PKD1L1: variants seen among roughly 807,000 people sequenced by gnomAD.
PKD1L1 encodes the protein polycystin-1-like protein 1.
Under a neutral mutation model 323.4 loss-of-function variants are expected in PKD1L1, and 236 were observed. The ratio of observed to expected loss-of-function variants is 0.73; its 90% confidence interval spans 0.66 to 0.81. The LOEUF (loss-of-function observed/expected upper bound fraction) is 0.81. Among genes scored for constraint, PKD1L1 ranks in the 40% least tolerant of loss-of-function variants. The probability of loss-of-function intolerance (pLI) is 0.00; values close to 1 mark genes in which losing one functional copy is unlikely to be tolerated. For synonymous variants in PKD1L1, 1,344 were observed against 1,335.0 expected, an observed-to-expected ratio of 1.01 and a Z score of -0.15; for missense variants, 3,320 against 3,508.0, an observed-to-expected ratio of 0.95 and a Z score of 1.35.
rs779550316 is a variant in PKD1L1 at position 47,846,970 on chromosome 7, A to G, written c.5062T>C (p.Trp1688Arg). 3.1e-6 allele frequency: 5 copies of G among 1,614,072 alleles called. No individual in the cohort carries two copies. The South Asian group carries it at 5.5e-5, about 18-fold the overall frequency. Reference sequence around the variant, plus strand: ...TTGTCCCAAAACAGGCATCGGATCCACTGGAAATGTACTGTATAGTTCACT... The same window carrying G: ...TTGTCCCAAAACAGGCATCGGATCCGCTGGAAATGTACTGTATAGTTCACT... ...KAVNYTVHFQ[W>R]IRCLFWDKRE... Residue 1688 changes from tryptophan to arginine, a missense_variant, in exon 32 of 57, where the codon TGG becomes CGG. By Grantham distance (101) the Trp-to-Arg change is moderately radical. Coordinates refer to ENST00000289672, the MANE Select transcript of PKD1L1 (RefSeq NM_138295.5).
intron 19 of PKD1L1, among the ~76,000 whole-genome samples, chr7:47,883,925 C>CT (rs1428066604): frequency 2.0e-5 from 3 of 152,246 alleles, no homozygotes; most frequent in Non-Finnish European, 4.4e-5. Context: ...GATCAAACAT[C>CT]TGTTCATTCG....
chr7:47,829,446 G>A lies in PKD1L1; in HGVS notation c.6714C>T (p.Asp2238=). 1 of 1,613,160 alleles carries A rather than the reference G, an allele frequency of 6.2e-7. No individual in the cohort carries two copies. The highest frequency in any genetic ancestry group is 2.2e-5 in the East Asian group (1 of 44,864). The change falls in exon 44 of 57, where the codon GAC becomes GAT. Residue 2238 remains aspartate (D), a synonymous_variant. Transcript: ENST00000289672. ...TTACTTTTTCAACCTCGCCTGCACA[G>A]TCAGGAATACTGCAGCTTGAAGAGA... ...LPFSSSCSIP[D]CAGEVEKVLA... is the part of the protein sequence containing the mutation.
In PKD1L1 at chr7:47,831,310, C is replaced by T; in HGVS notation, c.6380G>A (p.Arg2127Lys). 1 of 1,614,130 alleles carries T rather than the reference C, an allele frequency of 6.2e-7. No individual in the cohort carries two copies. The highest frequency in any genetic ancestry group is 8.5e-7 in the Non-Finnish European group (1 of 1,179,984). ...AGAGCTCCACCAAGGCTGAAGGGCC[C>T]TTGACCACTGGGGCATTAGTCCCTC... Reference protein sequence around the residue: ...GLEGLMPQWSRALQPWWSSAV... With the variant: ...GLEGLMPQWSKALQPWWSSAV... The change falls in exon 42 of 57, where the codon AGG becomes AAG. Residue 2127 changes from arginine to lysine, a missense_variant. Transcript: ENST00000289672.
chr7:47,864,576 T>TTTTCTTTCTTTCCTTCTTTCTTTC (rs1786107193), intron 26 of PKD1L1, among the ~76,000 whole-genome samples: 1 of 107,520 alleles, frequency 9.3e-6, no homozygotes, highest in African/African-American at 3.6e-5. Context: ...TTTTTCTTTC[T>TTTTCTTTCTTTCCTTCTTTCTTTC]TTTCTTTCTT....
intron 30 of PKD1L1, among the ~76,000 whole-genome samples, chr7:47,853,596 A>C (rs1785828572): frequency 6.6e-6 from 1 of 151,994 alleles, no homozygotes; most frequent in Admixed American, 6.6e-5. Context: ...ATACAAAATC[A>C]GCTGGGCGTG....
At chr7:47,791,493 T>A (rs1786947896) in intron 56 of PKD1L1, among the ~76,000 whole-genome samples, 1 of 151,998 alleles carries the variant, frequency 6.6e-6, no homozygotes, top group Non-Finnish European at 1.5e-5. Flanking sequence ...ACTTAACCTT[T>A]GTGTGGAGAA....
chr7:47,877,876 G>A (rs1253200037), intron 21 of PKD1L1, among the ~76,000 whole-genome samples: 4 of 151,906 alleles, frequency 2.6e-5, no homozygotes, highest in Non-Finnish European at 5.9e-5. Flanking sequence ...TGAAGTTCTG[G>A]GGTTTGAGAA....
In PKD1L1 at chr7:47,814,015, C is replaced by G; in HGVS notation, c.7090-1G>C. Reference sequence around the variant, plus strand: ...AGCATTTTCCTCCAAGAGCTCCAGGCTGAAAGGAGAAAAAAGATGATGAGG... The same window carrying G: ...AGCATTTTCCTCCAAGAGCTCCAGGGTGAAAGGAGAAAAAAGATGATGAGG... On this transcript the variant is annotated splice_acceptor_variant, in intron 47 of 56. Transcript: ENST00000289672. LOFTEE classifies it high-confidence loss of function. 6.2e-7 allele frequency: 1 copy of G among 1,613,306 alleles called. No individual in the cohort carries two copies.
the PKD1L1 span, among the ~76,000 whole-genome samples, chr7:47,958,559 C>A: frequency 6.6e-6 from 1 of 152,130 alleles, no homozygotes; most frequent in Non-Finnish European, 1.5e-5. Context: ...ACTTCAAAAG[C>A]ACAGGCAACA....
intron 56 of PKD1L1, among the ~76,000 whole-genome samples, chr7:47,788,129 T>A (rs186504730): frequency 0.015 from 2,330 of 151,248 alleles, 61 homozygotes; most frequent in African/African-American, 0.052. Context: ...CTATTTTTTT[T>A]AAAAATATCG....
At chr7:47,833,393 T>TTCC in intron 40 of PKD1L1, 141 bp from the exon 41 acceptor site, 1 of 914,222 alleles carries the variant, frequency 1.1e-6, no homozygotes, top group Non-Finnish European at 1.6e-6. Flanking sequence ...CTCTAAAGAC[T>TTCC]TCTGAGGGAG....
Position 47,863,514 on chromosome 7 carries a change from G to C in PKD1L1, c.4149+1702C>G, listed in dbSNP as rs967804267. On this transcript the variant is annotated intron_variant, in intron 26 of 56. Coordinates refer to ENST00000289672, the MANE Select transcript of PKD1L1 (RefSeq NM_138295.5). ...TAACTGTAGATGGGAAGAGCCAACA[G>C]GGGTCAGTCAACAAGGCCAACCAAG... Among the ~76,000 whole-genome samples, 15 of 152,110 alleles carry C rather than the reference G, an allele frequency of 9.9e-5. 1 individual carries two copies. The highest frequency in any genetic ancestry group is 3.3e-4 in the Admixed American group (5 of 15,266).
intron 8 of PKD1L1, among the ~76,000 whole-genome samples, chr7:47,910,091 T>C (rs558320911): frequency 1.4e-4 from 22 of 152,292 alleles, no homozygotes; most frequent in Non-Finnish European, 2.5e-4. Flanking sequence ...GTGTCCAAAA[T>C]AATTTTGCAC....
rs4595031 is a variant in PKD1L1 at position 47,813,799 on chromosome 7, G to A, written c.7173+132C>T. On this transcript the variant is annotated intron_variant, in intron 48 of 56. Coordinates refer to ENST00000289672, the MANE Select transcript of PKD1L1 (RefSeq NM_138295.5). ...CGAGGCTCGCCCTCTCCCCAGCCCCGGCACTGACAATTCCAATTACCACTG... is the reference window on the plus strand; with the variant it reads ...CGAGGCTCGCCCTCTCCCCAGCCCCAGCACTGACAATTCCAATTACCACTG... The A allele has an allele frequency of 0.19, 142,154 of 763,520 alleles. 15,383 individuals carry two copies. Among genetic ancestry groups the A allele is most frequent in the East Asian group, 0.43 (16,210 of 37,448 alleles). The allele number at this position is 763,520 out of a possible 1,614,324, so 47.3% of individuals were successfully genotyped here.
rs1412580788 is a variant in PKD1L1, at chr7:47,839,711, C to T, written c.5553-49G>A. The T allele has an allele frequency of 5.3e-6, 8 of 1,518,156 alleles. No individual in the cohort carries two copies. Among genetic ancestry groups the T allele is most frequent in the South Asian group, 1.2e-5 (1 of 81,466 alleles). 94.0% of individuals were successfully genotyped at this position (1,518,156 alleles called of 1,614,324 possible). ...TCAGCCGGGTGGGTGACAGTGTGGTCCTGGCATCCCATCAGCCCCAATGCT... is the reference window on the plus strand; with the variant it reads ...TCAGCCGGGTGGGTGACAGTGTGGTTCTGGCATCCCATCAGCCCCAATGCT... On this transcript the variant is annotated intron_variant, in intron 35 of 56. Coordinates refer to ENST00000289672, the MANE Select transcript of PKD1L1 (RefSeq NM_138295.5). This position sits in a 1 kb window ranked among gnomAD's most constrained non-coding sequence, Gnocchi z 4.3.
At chr7:47,837,816 C>A (rs1263937146) in intron 36 of PKD1L1, among the ~76,000 whole-genome samples, 1 of 152,118 alleles carries the variant, frequency 6.6e-6, no homozygotes, top group South Asian at 2.1e-4. Context: ...CTAGAAAAAA[C>A]AAAAGTATAT....
chr7:47,921,759 G>A (rs1787545906), intron 7 of PKD1L1, among the ~76,000 whole-genome samples: 1 of 152,138 alleles, frequency 6.6e-6, no homozygotes, highest in Non-Finnish European at 1.5e-5. Context: ...TGAGATTGGA[G>A]ATTATTATTC....
chr7:47,869,782 C>T (rs967073711), intron 24 of PKD1L1, among the ~76,000 whole-genome samples: 4 of 152,112 alleles, frequency 2.6e-5, no homozygotes, highest in Non-Finnish European at 5.9e-5. Flanking sequence ...AAATCAGATA[C>T]ATATTCTTTT....
the PKD1L1 span, among the ~76,000 whole-genome samples, chr7:47,958,810 C>T: frequency 2.0e-5 from 3 of 147,598 alleles, no homozygotes; most frequent in Non-Finnish European, 4.5e-5. Flanking sequence ...CCTCTCCCCA[C>T]GGTCTCCCTC....
Sources: allele counts gnomAD v4.1 joint callset (sites outside exome capture counted in the v4.1 genomes callset), GRCh38; gene constraint gnomAD v4.1.1; non-coding constraint Gnocchi (gnomAD v3.1); transcripts MANE v1.5; gene names NCBI Gene and HGNC (gene_info 2026-07-23, HGNC 2026-07-21).